The following RNF144B variants were observed in gnomAD, a reference collection of about 807,000 sequenced individuals.
RNF144B encodes E3 ubiquitin-protein ligase RNF144B.
In RNF144B, 25 loss-of-function variants were observed where a neutral mutation model predicts 40.2. The ratio of observed to expected loss-of-function variants is 0.62; its 90% CI spans 0.45 to 0.87. The LOEUF (loss-of-function observed/expected upper bound fraction) is 0.87. RNF144B is among the 40% of genes least tolerant of loss of function. RNF144B has a pLI of 0.00. For synonymous variants in RNF144B, 145 were observed against 136.3 expected (o/e 1.06, Z -0.44); for missense variants, 365 against 373.7 (o/e 0.98, Z 0.19).
rs147678374 is a variant in RNF144B, at chr6:18,447,794, G to A, written c.331+8050G>A. Reference sequence around the variant, plus strand: ...TTTAAAGCTGTGACACTGAATGAGCGCATCTAAGAATTAAACATAGCTAAA... The same window carrying A: ...TTTAAAGCTGTGACACTGAATGAGCACATCTAAGAATTAAACATAGCTAAA... On this transcript the variant is annotated intron_variant, in intron 4 of 7. Transcript: ENST00000259939. This position sits in a 1 kb window ranked among gnomAD's most constrained non-coding sequence, Gnocchi z 5.6. Among the ~76,000 whole-genome samples, 156 of 152,258 alleles carry A rather than the reference G, an allele frequency of 1.0e-3. No individual in the cohort carries two copies. Among genetic ancestry groups the A allele is most frequent in the Admixed American group, 1.9e-3 (29 of 15,282 alleles).
rs904384770 is a variant in RNF144B, at chr6:18,467,405, T to TTTTTG, written c.*2342_*2343insGTTTT. On this transcript the variant is annotated 3_prime_UTR_variant, in exon 8 of 8. Transcript: ENST00000259939. ...TCACTGAATTAGCTGCTTTTGTTTTTTTTTTTTTTTTTTTGCCAGGGCTAT... is the reference window on the plus strand; with the variant it reads ...TCACTGAATTAGCTGCTTTTGTTTTTTTTTGTTTTTTTTTTTTTTGCCAGGGCTAT... 7.6e-6 allele frequency: 1 copy of TTTTTG among 131,466 alleles called. No homozygotes were observed. The highest frequency in any genetic ancestry group is 2.6e-5 in the African/African-American group (1 of 38,460). 8.1% of individuals were successfully genotyped at this position (131,466 alleles called of 1,614,324 possible).
rs141671233 is a variant in RNF144B at position 18,411,380 on chromosome 6, T to C, written c.165+11681T>C. The stretch of plus-strand genomic sequence containing the variant: ...TTCAGGGCTCTCTTGGTTTATTACA[T>C]TGAAGATAATTTTTAATTATAAATG... On this transcript the variant is annotated intron_variant, in intron 2 of 7. Transcript: ENST00000259939. Among the ~76,000 whole-genome samples, 550 of 148,650 alleles carry C rather than the reference T, an allele frequency of 3.7e-3. 6 individuals carry two copies. Among genetic ancestry groups the C allele is most frequent in the African/African-American group, 0.012 (498 of 40,222 alleles).
rs570126151 is a variant in RNF144B at position 18,465,893 on chromosome 6, G to A, written c.*826G>A. ...AGAGTGGTAGAGTTTCAAAACTTTC[G>A]TCATAGATATCTGGGACCTTTCTCA... On this transcript the variant is annotated 3_prime_UTR_variant, in exon 8 of 8. Transcript: ENST00000259939. The A allele has an allele frequency of 5.3e-5, 8 of 152,298 alleles. No individual in the cohort carries two copies. Among genetic ancestry groups the A allele is most frequent in the South Asian group, 4.1e-4 (2 of 4,830 alleles). 9.4% of individuals were successfully genotyped at this position (152,298 alleles called of 1,614,324 possible). A position where few individuals can be genotyped will look rare whatever the true frequency, so the allele number is the denominator to read the frequency against.
Position 18,458,891 on chromosome 6 carries a change from C to G in RNF144B, c.537-716C>G, listed in dbSNP as rs1759391681. Among the ~76,000 whole-genome samples the G allele has an allele frequency of 6.6e-6, 1 of 152,172 alleles. No homozygotes were observed. The highest frequency in any genetic ancestry group is 1.5e-5 in the Non-Finnish European group (1 of 68,024). ...TGTCATGTTGGCACTCAAAAAGTTT[C>G]AGATTTTGGAGCATTTTGGATTTCA... On this transcript the variant is annotated intron_variant, in intron 5 of 7. Transcript: ENST00000259939. The surrounding 1 kb of genome is among the most constrained non-coding windows in gnomAD (Gnocchi z 4.8).
intron 2 of RNF144B, among the ~76,000 whole-genome samples, chr6:18,423,690 A>C (rs1223342618): frequency 6.6e-6 from 1 of 152,170 alleles, no homozygotes; most frequent in Non-Finnish European, 1.5e-5. Flanking sequence ...CGTCTGGTTC[A>C]CCAGGTGTTT....
chr6:18,424,672 CTT>C (rs1758507739), intron 2 of RNF144B, among the ~76,000 whole-genome samples: 1 of 152,188 alleles, frequency 6.6e-6, no homozygotes, highest in African/African-American at 2.4e-5. Flanking sequence ...TATATTTCAA[CTT>C]AACACATTTG....
At chr6:18,454,441 C>G (rs181338899) in intron 4 of RNF144B, among the ~76,000 whole-genome samples, 79 of 152,314 alleles carry the variant, frequency 5.2e-4, no homozygotes, top group African/African-American at 1.6e-3. Flanking sequence ...AAATCTGTCT[C>G]TTAGTTACTC....
At chr6:18,408,683 T>C (rs1244262352) in intron 2 of RNF144B, among the ~76,000 whole-genome samples, 1 of 152,060 alleles carries the variant, frequency 6.6e-6, no homozygotes, top group Non-Finnish European at 1.5e-5. Context: ...CTTCCTACCT[T>C]GAGAGTACCC....
chr6:18,390,663 A>T (rs1045344028), intron 1 of RNF144B, among the ~76,000 whole-genome samples: 1 of 152,216 alleles, frequency 6.6e-6, no homozygotes, highest in Non-Finnish European at 1.5e-5. Flanking sequence ...CCCTTCATCA[A>T]CTTGTTCTTT....
intron 7 of RNF144B, among the ~76,000 whole-genome samples, chr6:18,463,980 A>G (rs959208666): frequency 6.6e-6 from 1 of 152,270 alleles, no homozygotes; most frequent in South Asian, 2.1e-4. Context: ...AACCACCCCC[A>G]TGATTCAATT....
intron 3 of RNF144B, among the ~76,000 whole-genome samples, chr6:18,435,722 G>A (rs1422536533): frequency 6.6e-6 from 1 of 152,018 alleles, no homozygotes; most frequent in African/African-American, 2.4e-5. Flanking sequence ...GTCCTTTGTA[G>A]GGACATGGAT....
chr6:18,399,434 A>G (rs1337407560), intron 1 of RNF144B, 65 bp from the exon 2 acceptor site: 1 of 1,153,762 alleles, frequency 8.7e-7, no homozygotes, highest in Non-Finnish European at 1.2e-6. Flanking sequence ...TGGCCTCCAG[A>G]CGTGTTGGCT....
chr6:18,467,395 C>CTTTTTTTTT lies in RNF144B; in HGVS notation c.*2332_*2333insTTTTTTTTT, dbSNP rs1185836741. Reference sequence around the variant, plus strand: ...AGAGTTTGTATCACTGAATTAGCTGCTTTTGTTTTTTTTTTTTTTTTTTTG... The same window carrying CTTTTTTTTT: ...AGAGTTTGTATCACTGAATTAGCTGCTTTTTTTTTTTTTGTTTTTTTTTTTTTTTTTTTG... On this transcript the variant is annotated 3_prime_UTR_variant, in exon 8 of 8. Transcript: ENST00000259939. 2 of 29,218 alleles carry CTTTTTTTTT rather than the reference C, an allele frequency of 6.8e-5. No individual in the cohort carries two copies. Among genetic ancestry groups the CTTTTTTTTT allele is most frequent in the Non-Finnish European group, 1.5e-4 (2 of 13,658 alleles). 1.8% of individuals were successfully genotyped at this position (29,218 alleles called of 1,614,324 possible).
chr6:18,444,011 TA>T lies in RNF144B; in HGVS notation c.331+4273del, dbSNP rs1282057031. Among the ~76,000 whole-genome samples the T allele has an allele frequency of 6.6e-6, 1 of 152,198 alleles. No individual in the cohort carries two copies. Among genetic ancestry groups the T allele is most frequent in the East Asian group, 1.9e-4 (1 of 5,188 alleles). ...TAGATGCAGTACTATTTCTTAGTTA[TA>T]AAAAATCATCCTTAGTTTTTTCCAA... On this transcript the variant is annotated intron_variant, in intron 4 of 7. Coordinates refer to ENST00000259939, the MANE Select transcript of RNF144B (RefSeq NM_182757.4). The surrounding 1 kb of genome is among the most constrained non-coding windows in gnomAD (Gnocchi z 4.3).
rs144131895 is a variant in RNF144B at position 18,418,218 on chromosome 6, C to G, written c.166-9363C>G. Among the ~76,000 whole-genome samples, 406 of 152,274 alleles carry G rather than the reference C, an allele frequency of 2.7e-3. 3 individuals are homozygous for G. Among genetic ancestry groups the G allele is most frequent in the African/African-American group, 9.3e-3 (388 of 41,558 alleles). On this transcript the variant is annotated intron_variant, in intron 2 of 7. Coordinates refer to ENST00000259939, the MANE Select transcript of RNF144B (RefSeq NM_182757.4). The surrounding 1 kb of genome is among the most constrained non-coding windows in gnomAD (Gnocchi z 5.2). ...AAAGATAGAGTTACCATATACCATA[C>G]CTACTCCTAGGTAAATATCCAAGAG...
Position 18,425,801 on chromosome 6 carries a change from C to T in RNF144B, c.166-1780C>T, listed in dbSNP as rs746231638. Among the ~76,000 whole-genome samples the T allele has an allele frequency of 3.3e-5, 5 of 152,100 alleles. No homozygotes were observed. Among genetic ancestry groups the T allele is most frequent in the Admixed American group, 2.0e-4 (3 of 15,266 alleles). ...TTTCATGATTCTGCACATTCTATCG[C>T]ATAAATTTAGCAACATTTATTTCAG... On this transcript the variant is annotated intron_variant, in intron 2 of 7. Transcript: ENST00000259939. The surrounding 1 kb of genome is among the most constrained non-coding windows in gnomAD (Gnocchi z 4.2).
rs1554181697 is a variant in RNF144B, at chr6:18,448,716, A to ACC, written c.332-8436_332-8435dup. ...CACACACACACACACACACACACAC[A>ACC]CCCCACCCCCAAGATAGAACCAGCA... is the stretch of plus-strand genomic sequence containing the variant. On this transcript the variant is annotated intron_variant, in intron 4 of 7. Transcript: ENST00000259939. This position sits in a 1 kb window ranked among gnomAD's most constrained non-coding sequence, Gnocchi z 4.0. 5.4e-5 allele frequency among the ~76,000 whole-genome samples: 8 copies of ACC among 147,758 alleles called. No homozygotes were observed. Among genetic ancestry groups the ACC allele is most frequent in the Admixed American group, 1.4e-4 (2 of 14,600 alleles).
intron 2 of RNF144B, among the ~76,000 whole-genome samples, chr6:18,407,130 A>G (rs1794927097): frequency 2.0e-5 from 3 of 152,182 alleles, no homozygotes; most frequent in Admixed American, 6.5e-5. Flanking sequence ...GAGCCAAGCT[A>G]TATCACTGAT....
Position 18,392,870 on chromosome 6 carries a change from T to C in RNF144B, c.-37+5240T>C, listed in dbSNP as rs1263371351. 2.0e-5 allele frequency among the ~76,000 whole-genome samples: 3 copies of C among 152,134 alleles called. No individual in the cohort carries two copies. The South Asian group carries it at 6.2e-4, about 32-fold the overall frequency. On this transcript the variant is annotated intron_variant, in intron 1 of 7. Transcript: ENST00000259939. ...AATATCATGTATGTACTCATTGAGT[T>C]TGAGCATTATTCTTTTAAAAAGGGC...
Sources: gnomAD v4.1 joint callset for allele counts (sites outside exome capture counted in the v4.1 genomes callset) on GRCh38, gnomAD v4.1.1 for gene constraint, Gnocchi (gnomAD v3.1) non-coding constraint, MANE v1.5 for transcripts, NCBI Gene and HGNC (gene_info 2026-07-23, HGNC 2026-07-21) for gene names.